The following DAB1 variants were observed in gnomAD, a reference collection of about 807,000 sequenced individuals.
DAB1 encodes DAB adaptor protein 1.
A neutral mutation model predicts 64.6 loss-of-function variants in DAB1; 15 were observed. The ratio of observed to expected loss-of-function variants is 0.23; its 90% CI spans 0.16 to 0.36. DAB1 has a LOEUF of 0.36. DAB1 is among the 10% of genes least tolerant of loss of function. The pLI, the probability that DAB1 is intolerant of heterozygous loss-of-function variation, is 1.00. For synonymous variants in DAB1, 235 were observed against 251.9 expected (o/e 0.93, Z 0.64); for missense variants, 596 against 706.7 (o/e 0.84, Z 1.78).
intron 2 of DAB1, among the ~76,000 whole-genome samples, chr1:58,523,262 G>A (rs1241585641): frequency 6.6e-6 from 1 of 151,936 alleles, no homozygotes; most frequent in Non-Finnish European, 1.5e-5. Context: ...TCATTTCCTT[G>A]ACTGGCTCTG....
chr1:58,476,340 G>A (rs1413962227), intron 3 of DAB1, among the ~76,000 whole-genome samples: 1 of 152,106 alleles, frequency 6.6e-6, no homozygotes, highest in Non-Finnish European at 1.5e-5. Context: ...AAACAGAGCT[G>A]CACTGTGACT....
chr1:58,053,516 ATT>A (rs1289600149), intron 5 of DAB1, among the ~76,000 whole-genome samples: 3 of 152,188 alleles, frequency 2.0e-5, no homozygotes, highest in Non-Finnish European at 4.4e-5. Flanking sequence ...GCATTACTCT[ATT>A]TATGAGGAAT....
intron 7 of DAB1, among the ~76,000 whole-genome samples, chr1:57,566,175 A>G (rs150424799): frequency 0.023 from 3,552 of 152,352 alleles, 156 homozygotes; most frequent in Admixed American, 0.12. Context: ...CTGAATGACT[A>G]CTGGGTACAT....
At chr1:58,043,136 C>T (rs1647164142) in intron 5 of DAB1, among the ~76,000 whole-genome samples, 1 of 152,180 alleles carries the variant, frequency 6.6e-6, no homozygotes, top group Non-Finnish European at 1.5e-5. Context: ...CGCTGTGCTG[C>T]TCTTTCCAAA....
intron 1 of DAB1, among the ~76,000 whole-genome samples, chr1:57,292,683 A>G (rs939124096): frequency 6.6e-6 from 1 of 152,174 alleles, no homozygotes; most frequent in African/African-American, 2.4e-5. Flanking sequence ...AGAATCTGCT[A>G]TGGGCCAGAT....
At chr1:57,188,560 A>T (rs1663824485) in intron 2 of DAB1, among the ~76,000 whole-genome samples, 1 of 152,222 alleles carries the variant, frequency 6.6e-6, no homozygotes, top group African/African-American at 2.4e-5. Flanking sequence ...CATCTCATTT[A>T]TCTGTTACTG....
chr1:57,214,639 A>G (rs1047763578), intron 2 of DAB1, among the ~76,000 whole-genome samples: 3 of 152,276 alleles, frequency 2.0e-5, no homozygotes, highest in South Asian at 2.1e-4. Context: ...AGCCGGGCGC[A>G]GTGGCTCACA....
rs76034091 is a variant in DAB1, at chr1:58,220,947, T to A, written n.310-70359A>T. Among the ~76,000 whole-genome samples, 1,140 of 151,590 alleles carry A rather than the reference T, an allele frequency of 7.5e-3. 15 individuals carry two copies. Among genetic ancestry groups the A allele is most frequent in the African/African-American group, 0.026 (1,082 of 41,260 alleles). On this transcript the variant is annotated intron_variant and non_coding_transcript_variant, in intron 4 of 20. Transcript: ENST00000485760. ...CAAACAGTGCAGTTATAAGGCATTA[T>A]CATTGTGATCATTGGCCAGCCCAGG...
chr1:57,780,141 T>A (rs1054921460), intron 6 of DAB1, among the ~76,000 whole-genome samples: 1 of 152,138 alleles, frequency 6.6e-6, no homozygotes, highest in Non-Finnish European at 1.5e-5. Flanking sequence ...CTATCAGGAT[T>A]CTGAACACTT....
At chr1:57,271,835 T>C (rs1671023771) in intron 2 of DAB1, among the ~76,000 whole-genome samples, 2 of 152,342 alleles carry the variant, frequency 1.3e-5, no homozygotes, top group Middle Eastern at 3.4e-3. Flanking sequence ...TAATCACTAC[T>C]GTCACACTGA....
intron 4 of DAB1, among the ~76,000 whole-genome samples, chr1:58,161,122 C>T (rs373930378): frequency 2.6e-5 from 4 of 152,282 alleles, no homozygotes; most frequent in African/African-American, 9.6e-5. Flanking sequence ...AAAGGTAGAA[C>T]CACAACACAC....
chr1:58,492,752 T>G (rs1001064810), intron 3 of DAB1, among the ~76,000 whole-genome samples: 7 of 152,138 alleles, frequency 4.6e-5, no homozygotes, highest in East Asian at 1.9e-4. Flanking sequence ...AATAACAGGA[T>G]CTGAAATTGG....
chr1:57,926,477 A>C (rs759453535), intron 5 of DAB1, among the ~76,000 whole-genome samples: 1 of 152,306 alleles, frequency 6.6e-6, no homozygotes, highest in Non-Finnish European at 1.5e-5. Context: ...AGCCATGTTG[A>C]ACAAGGTGTC....
At chr1:57,892,261 A>G (rs1212128772) in intron 5 of DAB1, among the ~76,000 whole-genome samples, 1 of 152,166 alleles carries the variant, frequency 6.6e-6, no homozygotes, top group Non-Finnish European at 1.5e-5. Flanking sequence ...TTGAGTAGCA[A>G]CTTTCTACAC....
chr1:57,817,849 C>T (rs1219722072), intron 6 of DAB1, among the ~76,000 whole-genome samples: 5 of 152,150 alleles, frequency 3.3e-5, no homozygotes, highest in Admixed American at 3.3e-4. Flanking sequence ...GTTTCAATAG[C>T]TTATTCTTCT....
chr1:58,447,403 AAAGAT>A (rs940007742), intron 3 of DAB1, among the ~76,000 whole-genome samples: 2 of 114,052 alleles, frequency 1.8e-5, no homozygotes, highest in Admixed American at 1.7e-4. Context: ...GAAAGGACAC[AAAGAT>A]AAACTTTCCT....
chr1:57,853,610 G>C (rs1281312350), intron 1 of DAB1, among the ~76,000 whole-genome samples: 1 of 152,162 alleles, frequency 6.6e-6, no homozygotes. Context: ...ATGAATTAAT[G>C]AATAAGTGAA....
Position 57,439,418 on chromosome 1 carries a change from G to GTTTTTTTTTTTTTTTTTT in DAB1, n.626-148253_626-148252insAAAAAAAAAAAAAAAAAA. Among the ~76,000 whole-genome samples, 99 of 116,108 alleles carry GTTTTTTTTTTTTTTTTTT rather than the reference G, an allele frequency of 8.5e-4. 6 individuals carry two copies. The highest frequency in any genetic ancestry group is 1.5e-3 in the African/African-American group (43 of 28,276). 76.2% of individuals were successfully genotyped at this position (116,108 alleles called of 152,430 possible). ...GCCATGCCATCAACTTGGTGATGAG[G>GTTTTTTTTTTTTTTTTTT]TTTTTTCTTTTTTTTTTTTTTTTTT... On this transcript the variant is annotated intron_variant and non_coding_transcript_variant, in intron 7 of 20. Coordinates refer to the DAB1 transcript ENST00000485760.
intron 5 of DAB1, among the ~76,000 whole-genome samples, chr1:58,044,983 TA>T (rs1359756503): frequency 6.6e-6 from 1 of 152,222 alleles, no homozygotes; most frequent in African/African-American, 2.4e-5. Flanking sequence ...ATGCTAGGCT[TA>T]GAACTCTGAC....
Sources: gnomAD v4.1 joint callset for allele counts (sites outside exome capture counted in the v4.1 genomes callset) on GRCh38, gnomAD v4.1.1 for gene constraint, MANE v1.5 for transcripts, NCBI Gene and HGNC (gene_info 2026-07-23, HGNC 2026-07-21) for gene names.